Variants in PDE4D observed in about 807,000 individuals in gnomAD.
PDE4D encodes the protein phosphodiesterase 4D.
PDE4D carries 24 observed loss-of-function variants against 87.4 expected under a neutral mutation model. That is an observed-to-expected ratio of 0.27 (90% CI 0.20 to 0.39). The LOEUF (loss-of-function observed/expected upper bound fraction) is 0.39, where lower values mean the gene tolerates loss of function less well. PDE4D is among the 10% of genes least tolerant of loss of function. PDE4D has a pLI of 1.00. For synonymous variants in PDE4D, 384 were observed against 383.2 expected, an observed-to-expected ratio of 1.00 and a Z score of -0.02; for missense variants, 714 against 1,041.0, an observed-to-expected ratio of 0.69 and a Z score of 4.32.
chr5:60,418,556 T>A (rs1742819018), intron 1 of PDE4D, among the ~76,000 whole-genome samples: 1 of 152,126 alleles, frequency 6.6e-6, no homozygotes, highest in Non-Finnish European at 1.5e-5. Context: ...TGTGTGACTC[T>A]TTTTGTCTTT....
chr5:59,286,826 T>C (rs1767048259), intron 1 of PDE4D, among the ~76,000 whole-genome samples: 1 of 152,198 alleles, frequency 6.6e-6, no homozygotes, highest in African/African-American at 2.4e-5. Context: ...AAGTAACTTT[T>C]GGAAAAAATG....
chr5:59,652,057 G>A (rs2150243256), intron 1 of PDE4D, among the ~76,000 whole-genome samples: 1 of 152,292 alleles, frequency 6.6e-6, no homozygotes, highest in Non-Finnish European at 1.5e-5. Flanking sequence ...CTGTCTATTG[G>A]CTCTGCTGAG....
Position 60,194,088 on chromosome 5 carries a change from A to G in PDE4D, c.-89-8401T>C, listed in dbSNP as rs954806337. On this transcript the variant is annotated intron_variant, in intron 1 of 16. Coordinates refer to the PDE4D transcript ENST00000502484. ...AAAAGTAAATTATCCTTATAACCCTATGTTCTCCCTCCTCAAGATATCATT... is the reference window on the plus strand; with the variant it reads ...AAAAGTAAATTATCCTTATAACCCTGTGTTCTCCCTCCTCAAGATATCATT... Among the ~76,000 whole-genome samples, 9 of 151,324 alleles carry G rather than the reference A, an allele frequency of 5.9e-5. 1 individual carries two copies. The highest frequency in any genetic ancestry group is 1.3e-4 in the Admixed American group (2 of 15,152).
At position 60,157,653 on chromosome 5, in the gene PDE4D, C is replaced by A. The variant is rs573650238; in HGVS notation, c.42+27904G>T. The stretch of plus-strand genomic sequence containing the variant: ...TAAATTGTGATCCAAAAAAGATAGC[C>A]AACATTAACAGTATTTGGATCTAAC... On this transcript the variant is annotated intron_variant, in intron 2 of 16. Transcript: ENST00000502484. Among the ~76,000 whole-genome samples, 11 of 152,224 alleles carry A rather than the reference C, an allele frequency of 7.2e-5. No homozygotes were observed. The East Asian group carries it at 2.1e-3, about 29-fold the overall frequency.
chr5:60,274,495 A>G (rs1330797571), intron 1 of PDE4D, among the ~76,000 whole-genome samples: 1 of 151,896 alleles, frequency 6.6e-6, no homozygotes, highest in Non-Finnish European at 1.5e-5. Flanking sequence ...CAAGTAGCTG[A>G]GATTACCGGC....
chr5:60,369,269 G>T (rs1235177277), intron 1 of PDE4D, among the ~76,000 whole-genome samples: 1 of 151,930 alleles, frequency 6.6e-6, no homozygotes, highest in East Asian at 1.9e-4. Flanking sequence ...CTGCTGCTTT[G>T]TTTGTGACTG....
intron 3 of PDE4D, among the ~76,000 whole-genome samples, chr5:59,983,927 C>T (rs1204960398): frequency 6.6e-6 from 1 of 152,032 alleles, no homozygotes; most frequent in Admixed American, 6.5e-5. Flanking sequence ...ATTCATAATC[C>T]CCTCAAACTA....
chr5:60,368,247 T>C (rs1202841051), intron 1 of PDE4D, among the ~76,000 whole-genome samples: 1 of 152,234 alleles, frequency 6.6e-6, no homozygotes, highest in Non-Finnish European at 1.5e-5. Context: ...AACAACGATG[T>C]GGCTTCACAT....
chr5:59,325,205 T>A (rs1327138661), intron 1 of PDE4D, among the ~76,000 whole-genome samples: 1 of 152,154 alleles, frequency 6.6e-6, no homozygotes, highest in Non-Finnish European at 1.5e-5. Flanking sequence ...CAGCTCTGGT[T>A]TTACTTCAAA....
chr5:59,873,178 G>T (rs1212815279), intron 1 of PDE4D, among the ~76,000 whole-genome samples: 3 of 152,118 alleles, frequency 2.0e-5, no homozygotes, highest in Non-Finnish European at 4.4e-5. Flanking sequence ...TCTAGTTCGT[G>T]GTTTCAAAGG....
chr5:59,625,657 T>G (rs970915241), intron 1 of PDE4D, among the ~76,000 whole-genome samples: 1 of 152,214 alleles, frequency 6.6e-6, no homozygotes, highest in African/African-American at 2.4e-5. Context: ...CTCTGAAACA[T>G]AAATTTCTCA....
At chr5:59,570,531 A>G (rs1821651164) in intron 1 of PDE4D, among the ~76,000 whole-genome samples, 1 of 152,202 alleles carries the variant, frequency 6.6e-6, no homozygotes, top group Non-Finnish European at 1.5e-5. Context: ...TTTCCTTGAA[A>G]TGCTCTTAAA....
At chr5:60,416,541 G>A (rs1372232486) in intron 1 of PDE4D, among the ~76,000 whole-genome samples, 3 of 152,110 alleles carry the variant, frequency 2.0e-5, no homozygotes, top group African/African-American at 7.2e-5. Context: ...TCACCGCGAA[G>A]GTCTGCAGCT....
rs140298004 is a variant in PDE4D, at chr5:60,282,208, CATATATATAT to C, written c.-89-96531_-89-96522del. ...CTTTAAAGAACAAGAGAGAAATAAACATATATATATATATATATATATATATATATTTCTC... is the reference window on the plus strand; with the variant it reads ...CTTTAAAGAACAAGAGAGAAATAAACATATATATATATATATATATTTCTC... On this transcript the variant is annotated intron_variant, in intron 1 of 16. Coordinates refer to the PDE4D transcript ENST00000502484. Among the ~76,000 whole-genome samples the C allele has an allele frequency of 2.5e-3, 323 of 128,398 alleles. 1 individual carries two copies. Among genetic ancestry groups the C allele is most frequent in the African/African-American group, 6.5e-3 (230 of 35,432 alleles). 84.2% of individuals were successfully genotyped at this position (128,398 alleles called of 152,430 possible).
chr5:59,387,497 T>C (rs1422781029), intron 1 of PDE4D, among the ~76,000 whole-genome samples: 1 of 152,154 alleles, frequency 6.6e-6, no homozygotes, highest in Non-Finnish European at 1.5e-5. Flanking sequence ...GGACATGATT[T>C]CTCAATGAGA....
chr5:59,781,782 C>CT (rs1764649214), intron 1 of PDE4D, among the ~76,000 whole-genome samples: 1 of 54,912 alleles, frequency 1.8e-5, no homozygotes, highest in South Asian at 6.5e-4. Flanking sequence ...GACACTCCAT[C>CT]TCAAAAAAAA....
rs760691506 is a variant in PDE4D, at chr5:59,586,403, T to G, written c.455+306765A>C. 9 of 1,608,800 alleles carry G rather than the reference T, an allele frequency of 5.6e-6. No individual in the cohort carries two copies. In the African/African-American group the frequency reaches 1.2e-4, roughly 21 times the overall value. The stretch of plus-strand genomic sequence containing the variant: ...TCGCAGATCTTCTGTCATTAATATT[T>G]TTCTTGTCTCCTACGTTACATGTAG... On this transcript the variant is annotated intron_variant, in intron 1 of 14. Coordinates refer to ENST00000340635, the MANE Select transcript of PDE4D (RefSeq NM_001104631.2).
chr5:60,377,281 C>T (rs1031776147), intron 1 of PDE4D, among the ~76,000 whole-genome samples: 1 of 152,180 alleles, frequency 6.6e-6, no homozygotes, highest in Non-Finnish European at 1.5e-5. Context: ...CAGTATCTAG[C>T]ACAGAGTCAG....
chr5:59,643,092 G>A (rs1741875327), intron 1 of PDE4D, among the ~76,000 whole-genome samples: 1 of 152,138 alleles, frequency 6.6e-6, no homozygotes, highest in Non-Finnish European at 1.5e-5. Flanking sequence ...TGAAACAACA[G>A]TTTTCAGACC....
Sources: allele counts gnomAD v4.1 joint callset (sites outside exome capture counted in the v4.1 genomes callset), GRCh38; gene constraint gnomAD v4.1.1; transcripts MANE v1.5; gene names NCBI Gene and HGNC (gene_info 2026-07-23, HGNC 2026-07-21).